The following EPHA3 variants were observed in gnomAD, a reference collection of about 807,000 sequenced individuals.
The protein encoded by EPHA3 is ephrin type-A receptor 3.
A neutral mutation model predicts 107.1 loss-of-function variants in EPHA3; 42 were observed. That is an observed-to-expected ratio of 0.39 (90% confidence interval 0.31 to 0.51). The LOEUF is 0.51. Ranked by LOEUF, EPHA3 falls within the 20% of genes least tolerant of loss-of-function variation. The probability of loss-of-function intolerance (pLI) is 0.78; values close to 1 mark genes in which losing one functional copy is unlikely to be tolerated. For missense variants in EPHA3, 1,183 were observed against 1,211.2 expected (o/e 0.98, Z 0.35); for synonymous variants, 461 against 424.8 (o/e 1.09, Z -1.05).
intron 3 of EPHA3, among the ~76,000 whole-genome samples, chr3:89,323,671 C>T (rs1314192207): frequency 6.6e-6 from 1 of 152,012 alleles, no homozygotes; most frequent in African/African-American, 2.4e-5. Flanking sequence ...ATAAAGAAAT[C>T]AAAACCAGTA....
At chr3:89,211,796 T>C (rs868038965) in intron 3 of EPHA3, among the ~76,000 whole-genome samples, 1,424 of 105,190 alleles carry the variant, frequency 0.014, 43 homozygotes, top group African/African-American at 0.033. Flanking sequence ...TTCTTCTTCT[T>C]CTTCTTCTTC....
intron 5 of EPHA3, among the ~76,000 whole-genome samples, chr3:89,371,843 G>A (rs182297007): frequency 6.6e-6 from 1 of 151,522 alleles, no homozygotes; most frequent in East Asian, 2.0e-4. Flanking sequence ...AGTCAACACT[G>A]CTTGCCTATA....
intron 2 of EPHA3, among the ~76,000 whole-genome samples, chr3:89,175,007 C>T (rs1480267156): frequency 6.6e-6 from 1 of 150,604 alleles, no homozygotes; most frequent in African/African-American, 2.4e-5. Context: ...AATACTTTTT[C>T]TGTTAAACTA....
At chr3:89,226,835 A>G (rs1704513574) in intron 3 of EPHA3, among the ~76,000 whole-genome samples, 1 of 152,114 alleles carries the variant, frequency 6.6e-6, no homozygotes, top group African/African-American at 2.4e-5. Context: ...TGCAAATGTC[A>G]TGACGTTTGA....
At chr3:89,333,787 G>A (rs1200517564) in intron 3 of EPHA3, among the ~76,000 whole-genome samples, 2 of 151,994 alleles carry the variant, frequency 1.3e-5, no homozygotes, top group East Asian at 1.9e-4. Context: ...TAGGAGAACT[G>A]CTTGAACCAA....
chr3:89,349,336 C>G, intron 5 of EPHA3, among the ~76,000 whole-genome samples: 2 of 89,216 alleles, frequency 2.2e-5, no homozygotes, highest in South Asian at 4.2e-4. Context: ...ATAGTTAGCT[C>G]TTCTTGTTGA....
chr3:89,313,494 T>C (rs1461596112), intron 3 of EPHA3, among the ~76,000 whole-genome samples: 1 of 151,986 alleles, frequency 6.6e-6, no homozygotes. Flanking sequence ...AATCCTCCAT[T>C]GACCTTCTTG....
intron 7 of EPHA3, among the ~76,000 whole-genome samples, chr3:89,401,487 G>T (rs1487402816): frequency 6.6e-6 from 1 of 152,212 alleles, no homozygotes. Context: ...AAAAACTTTA[G>T]ATGGCTCAAT....
At chr3:89,131,143 C>T (rs1704200204) in intron 2 of EPHA3, among the ~76,000 whole-genome samples, 1 of 150,984 alleles carries the variant, frequency 6.6e-6, no homozygotes, top group South Asian at 2.1e-4. Flanking sequence ...TCGTGAATAG[C>T]AATTCATTTT....
chr3:89,474,299 C>T (rs1710463914), intron 16 of EPHA3, among the ~76,000 whole-genome samples: 1 of 152,138 alleles, frequency 6.6e-6, no homozygotes, highest in South Asian at 2.1e-4. Flanking sequence ...TTAACATGCA[C>T]CAGCATTCTT....
chr3:89,213,332 G>A (rs183652494), intron 3 of EPHA3, among the ~76,000 whole-genome samples: 14 of 152,042 alleles, frequency 9.2e-5, no homozygotes, highest in African/African-American at 3.4e-4. Flanking sequence ...GATACCTATA[G>A]GATGTGTAAT....
Position 89,276,928 on chromosome 3 carries a change from T to C in EPHA3, c.815-63988T>C, listed in dbSNP as rs538227866. On this transcript the variant is annotated intron_variant, in intron 3 of 16. Coordinates refer to ENST00000336596, the MANE Select transcript of EPHA3 (RefSeq NM_005233.6). ...TCCAAAGTGATGTTATGGATCAATTTAACAGTTTTCAATGAGTATATCCCT... is the reference window on the plus strand; with the variant it reads ...TCCAAAGTGATGTTATGGATCAATTCAACAGTTTTCAATGAGTATATCCCT... 1.6e-4 allele frequency among the ~76,000 whole-genome samples: 25 copies of C among 152,274 alleles called. 1 individual carries two copies. In the South Asian group the frequency reaches 1.9e-3, roughly 11 times the overall value.
At chr3:89,311,898 A>G (rs926901970) in intron 3 of EPHA3, among the ~76,000 whole-genome samples, 13 of 152,172 alleles carry the variant, frequency 8.5e-5, no homozygotes, top group Non-Finnish European at 1.0e-4. Flanking sequence ...TTGTTGTCCA[A>G]TGTGAAATGG....
chr3:89,140,187 G>C lies in EPHA3; in HGVS notation c.153+12914G>C, dbSNP rs1704401991. On this transcript the variant is annotated intron_variant, in intron 2 of 16. Transcript: ENST00000336596. ...AAATTGATTTTAGCTTGAATTCAAA[G>C]ATTAATCTAAATCTGCTTGCATTGA... Among the ~76,000 whole-genome samples, 8 of 151,908 alleles carry C rather than the reference G, an allele frequency of 5.3e-5. 1 individual carries two copies. The South Asian group carries it at 1.7e-3, about 32-fold the overall frequency.
intron 1 of EPHA3, among the ~76,000 whole-genome samples, chr3:89,111,707 T>C (rs530862482): frequency 1.8e-4 from 28 of 152,268 alleles, no homozygotes; most frequent in Non-Finnish European, 2.9e-4. Flanking sequence ...AAGAAACTTT[T>C]TGTAACCTCT....
At position 89,278,959 on chromosome 3, in the gene EPHA3, A is replaced by G. The variant is rs1403752771; in HGVS notation, c.815-61957A>G. ...TTAACTCGAGGATTCTCAAGTATGCATTCAACTTACTTGCTGGTAGTTTAA... is the reference window on the plus strand; with the variant it reads ...TTAACTCGAGGATTCTCAAGTATGCGTTCAACTTACTTGCTGGTAGTTTAA... On this transcript the variant is annotated intron_variant, in intron 3 of 16. Coordinates refer to ENST00000336596, the MANE Select transcript of EPHA3 (RefSeq NM_005233.6). Among the ~76,000 whole-genome samples, 3 of 152,230 alleles carry G rather than the reference A, an allele frequency of 2.0e-5. No individual in the cohort carries two copies. In the East Asian group the frequency reaches 5.8e-4, roughly 29 times the overall value.
At chr3:89,382,028 G>A (rs559702202) in intron 5 of EPHA3, among the ~76,000 whole-genome samples, 231 of 152,208 alleles carry the variant, frequency 1.5e-3, no homozygotes, top group African/African-American at 5.3e-3. Context: ...CAGCAAGATT[G>A]TATACATGCC....
At chr3:89,471,655 C>T (rs1185372248) in intron 15 of EPHA3, among the ~76,000 whole-genome samples, 7 of 152,066 alleles carry the variant, frequency 4.6e-5, no homozygotes, top group East Asian at 3.9e-4. Flanking sequence ...TGAGCCACTG[C>T]GCCCGGCCCT....
At chr3:89,175,918 G>GT (rs1005703807) in intron 2 of EPHA3, among the ~76,000 whole-genome samples, 12 of 151,974 alleles carry the variant, frequency 7.9e-5, no homozygotes, top group African/African-American at 2.7e-4. Context: ...TGTTATTGTT[G>GT]TTTTTTTACA....
Sources: allele counts gnomAD v4.1 joint callset (sites outside exome capture counted in the v4.1 genomes callset), GRCh38; gene constraint gnomAD v4.1.1; transcripts MANE v1.5; gene names NCBI Gene and HGNC (gene_info 2026-07-23, HGNC 2026-07-21).